Variants in PCBP3 observed in about 807,000 individuals in gnomAD.
PCBP3 encodes the protein poly(rC)-binding protein 3.
A neutral mutation model predicts 52.7 loss-of-function variants in PCBP3; 25 were observed. The observed-to-expected ratio is 0.47, with a 90% CI of 0.35 to 0.66. PCBP3 has a LOEUF of 0.66. PCBP3 is among the 30% of genes least tolerant of loss of function. The pLI, the probability that PCBP3 is intolerant of heterozygous loss-of-function variation, is 0.01. For missense variants in PCBP3, 391 were observed against 490.3 expected (o/e 0.80, Z 1.91); for synonymous variants, 162 against 183.0 (o/e 0.89, Z 0.93).
chr21:45,761,654 G>A (rs2146589848), intron 4 of PCBP3: 1 of 152,470 alleles, frequency 6.6e-6, no homozygotes, highest in African/African-American at 2.4e-5. Context: ...GTTACTCAGT[G>A]AGGTTTGTGT....
At chr21:45,882,350 C>T (rs2095423643) in intron 5 of PCBP3, among the ~76,000 whole-genome samples, 2 of 152,130 alleles carry the variant, frequency 1.3e-5, no homozygotes, top group Non-Finnish European at 2.9e-5. Flanking sequence ...CATTCCGTTT[C>T]TTTGCCATTT....
intron 4 of PCBP3, among the ~76,000 whole-genome samples, chr21:45,784,471 CTACCTCT>C (rs1814343918): frequency 7.5e-6 from 1 of 133,218 alleles, no homozygotes; most frequent in African/African-American, 3.0e-5. Context: ...CTCCTACCTC[CTACCTCT>C]ACCCTCTTTC....
At chr21:45,748,578 C>T (rs2087121527) in intron 3 of PCBP3, among the ~76,000 whole-genome samples, 1 of 152,242 alleles carries the variant, frequency 6.6e-6, no homozygotes, top group East Asian at 1.9e-4. Context: ...CACCTGTTTC[C>T]CAGCCTCTGC....
chr21:45,848,401 G>A (rs8130422), intron 4 of PCBP3: 1 of 152,180 alleles, frequency 6.6e-6, no homozygotes, highest in Non-Finnish European at 1.5e-5. Context: ...AGTTACAAAG[G>A]GTAAATGCCG....
chr21:45,855,367 C>G (rs529913250), intron 5 of PCBP3, among the ~76,000 whole-genome samples: 1 of 152,320 alleles, frequency 6.6e-6, no homozygotes, highest in Admixed American at 6.5e-5. Flanking sequence ...GCTTCACATA[C>G]ACACATCCGC....
At chr21:45,712,892 G>A (rs2083938368) in intron 2 of PCBP3, among the ~76,000 whole-genome samples, 1 of 152,082 alleles carries the variant, frequency 6.6e-6, no homozygotes, top group Non-Finnish European at 1.5e-5. Context: ...TATTTGTAGA[G>A]GTGTGGTCTC....
At chr21:45,669,955 C>G (rs2081073519) in intron 2 of PCBP3, among the ~76,000 whole-genome samples, 1 of 151,040 alleles carries the variant, frequency 6.6e-6, no homozygotes, top group African/African-American at 2.4e-5. Flanking sequence ...GAGTCCCTTG[C>G]TTTTACTTAA....
intron 4 of PCBP3, among the ~76,000 whole-genome samples, chr21:45,816,028 G>A (rs1298505773): frequency 3.6e-5 from 5 of 137,690 alleles, no homozygotes. Flanking sequence ...AGTAGTGAGT[G>A]GTGAGTGGTG....
rs755786347 is a variant in PCBP3, at chr21:45,737,137, A to C, written c.-162+1708A>C. ...TGAGAGTGCCGCGGGTTAGGAGGTG[A>C]GGGTGCAGCTGGGGCACATCAGGGG... is the stretch of plus-strand genomic sequence containing the variant. On this transcript the variant is annotated intron_variant, in intron 3 of 17. Transcript: ENST00000681687. The surrounding 1 kb of genome is among the most constrained non-coding windows in gnomAD (Gnocchi z 4.9). Among the ~76,000 whole-genome samples the C allele has an allele frequency of 2.6e-5, 4 of 151,784 alleles. No individual in the cohort carries two copies. Among genetic ancestry groups the C allele is most frequent in the African/African-American group, 9.7e-5 (4 of 41,308 alleles).
intron 2 of PCBP3, among the ~76,000 whole-genome samples, chr21:45,713,994 G>A (rs961894359): frequency 6.6e-6 from 1 of 152,176 alleles, no homozygotes. Flanking sequence ...TTCAGTTTTG[G>A]GGATGGGAGA....
rs2092348896 is a variant in PCBP3 at position 45,802,624 on chromosome 21, G to A, written c.-126+47172G>A. Among the ~76,000 whole-genome samples the A allele has an allele frequency of 6.6e-6, 1 of 152,164 alleles. No individual in the cohort carries two copies. Among genetic ancestry groups the A allele is most frequent in the Non-Finnish European group, 1.5e-5 (1 of 68,040 alleles). The stretch of plus-strand genomic sequence containing the variant: ...GAGGAGGACCGGGCTGGGGGAGGAT[G>A]GTGGGGCTCTAAGCAGGGCAGGAGG... On this transcript the variant is annotated intron_variant, in intron 4 of 17. Transcript: ENST00000681687. This position sits in a 1 kb window ranked among gnomAD's most constrained non-coding sequence, Gnocchi z 5.1.
chr21:45,933,274 C>T (rs1219749845), intron 15 of PCBP3, among the ~76,000 whole-genome samples: 1 of 152,126 alleles, frequency 6.6e-6, no homozygotes, highest in East Asian at 1.9e-4. Flanking sequence ...CCATGCTCTC[C>T]TGAGAGGGAT....
intron 2 of PCBP3, among the ~76,000 whole-genome samples, chr21:45,675,287 C>G (rs750803529): frequency 6.6e-6 from 1 of 152,160 alleles, no homozygotes. Flanking sequence ...GGCTGAGGTC[C>G]TGGGCTGGGC....
chr21:45,837,317 C>T lies in PCBP3; in HGVS notation c.-125-12644C>T, dbSNP rs977309893. Among the ~76,000 whole-genome samples, 1 of 152,230 alleles carries T rather than the reference C, an allele frequency of 6.6e-6. No individual in the cohort carries two copies. The highest frequency in any genetic ancestry group is 1.5e-5 in the Non-Finnish European group (1 of 68,038). ...CGCCAGGGAGGGGATCGTGACCCTC[C>T]CTTTAATCTGGGCAGGCATGTGCCT... is the stretch of plus-strand genomic sequence containing the variant. On this transcript the variant is annotated intron_variant, in intron 4 of 17. Coordinates refer to ENST00000681687, the MANE Select transcript of PCBP3 (RefSeq NM_001384156.1). The surrounding 1 kb of genome is among the most constrained non-coding windows in gnomAD (Gnocchi z 4.1).
At position 45,917,714 on chromosome 21, in the gene PCBP3, A is replaced by G. The variant is rs769991533; in HGVS notation, c.717+85A>G. Reference sequence around the variant, plus strand: ...CATGCTGCTGTTAATTGCTACTAACATTAATATTACACAATAATATTAATC... The same window carrying G: ...CATGCTGCTGTTAATTGCTACTAACGTTAATATTACACAATAATATTAATC... On this transcript the variant is annotated intron_variant, in intron 13 of 17. Coordinates refer to ENST00000681687, the MANE Select transcript of PCBP3 (RefSeq NM_001384156.1). This position sits in a 1 kb window ranked among gnomAD's most constrained non-coding sequence, Gnocchi z 5.3. 9.7e-7 allele frequency: 1 copy of G among 1,030,404 alleles called. No individual in the cohort carries two copies. Among genetic ancestry groups the G allele is most frequent in the Non-Finnish European group, 1.5e-6 (1 of 648,288 alleles). 63.8% of individuals were successfully genotyped at this position (1,030,404 alleles called of 1,614,324 possible). A position where few individuals can be genotyped will look rare whatever the true frequency, so the allele number is the denominator to read the frequency against.
chr21:45,697,366 C>G (rs773129012), intron 2 of PCBP3, among the ~76,000 whole-genome samples: 2 of 152,168 alleles, frequency 1.3e-5, no homozygotes, highest in Non-Finnish European at 2.9e-5. Flanking sequence ...AATTTATGCT[C>G]CAGCACAAAC....
At chr21:45,936,523 G>T (rs534975716) in intron 16 of PCBP3, among the ~76,000 whole-genome samples, 8 of 152,212 alleles carry the variant, frequency 5.3e-5, no homozygotes, top group Admixed American at 5.2e-4. Context: ...ATCTCCCCAG[G>T]TGTGGGGTGG....
At chr21:45,681,150 A>C (rs2081817617) in intron 2 of PCBP3, among the ~76,000 whole-genome samples, 2 of 152,226 alleles carry the variant, frequency 1.3e-5, no homozygotes, top group Non-Finnish European at 1.5e-5. Flanking sequence ...ACTTCCCAGA[A>C]GGTGCCACTC....
At chr21:45,799,992 T>C (rs1479656506) in intron 4 of PCBP3, among the ~76,000 whole-genome samples, 4 of 152,134 alleles carry the variant, frequency 2.6e-5, no homozygotes, top group Non-Finnish European at 4.4e-5. Flanking sequence ...TGGACAGCTG[T>C]CGGGGAGGGT....
Sources: allele counts gnomAD v4.1 joint callset (sites outside exome capture counted in the v4.1 genomes callset), GRCh38; gene constraint gnomAD v4.1.1; non-coding constraint Gnocchi (gnomAD v3.1); transcripts MANE v1.5; gene names NCBI Gene and HGNC (gene_info 2026-07-23, HGNC 2026-07-21).